The following PCCA variants were observed in gnomAD, a reference collection of about 807,000 sequenced individuals.
The protein encoded by PCCA is propionyl-CoA carboxylase subunit alpha.
A neutral mutation model predicts 101.3 loss-of-function variants in PCCA; 74 were observed. The observed-to-expected ratio is 0.73, with a 90% CI of 0.61 to 0.89. PCCA has a LOEUF of 0.89. Ranked by LOEUF, PCCA falls within the 40% of genes least tolerant of loss-of-function variation. PCCA has a pLI of 0.00. For synonymous variants in PCCA, 294 were observed against 313.6 expected, an observed-to-expected ratio of 0.94 and a Z score of 0.66; for missense variants, 891 against 907.0, an observed-to-expected ratio of 0.98 and a Z score of 0.23.
intron 1 of PCCA, among the ~76,000 whole-genome samples, chr13:100,091,222 A>T (rs539265701): frequency 9.8e-5 from 15 of 152,322 alleles, no homozygotes; most frequent in Middle Eastern, 3.4e-3. Context: ...GGGAGGGATG[A>T]CACTGACATT....
At chr13:100,458,062 T>G (rs1400742979) in intron 21 of PCCA, among the ~76,000 whole-genome samples, 1 of 152,172 alleles carries the variant, frequency 6.6e-6, no homozygotes, top group East Asian at 1.9e-4. Flanking sequence ...CATGTCTGCT[T>G]ATAGATTTCA....
intron 21 of PCCA, among the ~76,000 whole-genome samples, chr13:100,509,941 T>C (rs183269992): frequency 6.6e-6 from 1 of 152,284 alleles, no homozygotes; most frequent in East Asian, 1.9e-4. Flanking sequence ...GCTTCAGGTA[T>C]AGTTTACAAG....
intron 19 of PCCA, among the ~76,000 whole-genome samples, chr13:100,380,032 AACACACAC>A (rs140284754): frequency 1.3e-5 from 2 of 149,570 alleles, no homozygotes; most frequent in Admixed American, 6.7e-5. Context: ...AAGTAATCTA[AACACACAC>A]ACACACACAC....
At chr13:100,157,369 C>T in intron 6 of PCCA, 29 bp downstream of exon 6, 2 of 1,522,308 alleles carry the variant, frequency 1.3e-6, no homozygotes, top group Non-Finnish European at 1.8e-6. Flanking sequence ...AGAAACTGTT[C>T]ATTTCTTTTT....
rs138623067 is a variant in PCCA, at chr13:100,256,249, C to T, written c.638-1346C>T. 3.0e-4 allele frequency among the ~76,000 whole-genome samples: 45 copies of T among 152,256 alleles called. No individual in the cohort carries two copies. The East Asian group carries it at 7.5e-3, about 26-fold the overall frequency. The stretch of plus-strand genomic sequence containing the variant: ...CTTAATCTCCTGACCTCGTAATTCG[C>T]CCACCTCAGCCTCCCAAAGTGCTGG... On this transcript the variant is annotated intron_variant, in intron 8 of 23. Transcript: ENST00000376285.
rs376094199 is a variant in PCCA, at chr13:100,363,661, C to G, written c.1644-4811C>G. ...CTGTGAAAGTTATGATGAAGCATTT[C>G]TTAATGATTCCTTGACCATTAGCAT... On this transcript the variant is annotated intron_variant, in intron 18 of 23. Transcript: ENST00000376285. Among the ~76,000 whole-genome samples, 154 of 152,286 alleles carry G rather than the reference C, an allele frequency of 1.0e-3. 4 individuals are homozygous for G. The South Asian group carries it at 0.029, about 28-fold the overall frequency.
At chr13:100,259,596 G>T (rs1484728288) in intron 9 of PCCA, among the ~76,000 whole-genome samples, 2 of 152,044 alleles carry the variant, frequency 1.3e-5, no homozygotes, top group African/African-American at 4.8e-5. Flanking sequence ...GCCTCCCAAA[G>T]TGCTGGGATT....
At chr13:100,482,385 T>C (rs2152970244) in intron 21 of PCCA, among the ~76,000 whole-genome samples, 1 of 152,172 alleles carries the variant, frequency 6.6e-6, no homozygotes, top group Non-Finnish European at 1.5e-5. Context: ...GGACAGTTGA[T>C]GAGGCAGGCT....
intron 19 of PCCA, among the ~76,000 whole-genome samples, chr13:100,381,847 G>A (rs1017807356): frequency 6.6e-6 from 1 of 152,198 alleles, no homozygotes; most frequent in Non-Finnish European, 1.5e-5. Flanking sequence ...TCCACACCTC[G>A]TAGGAGGGAG....
chr13:100,510,187 G>A (rs536152022), intron 21 of PCCA, among the ~76,000 whole-genome samples: 1 of 152,198 alleles, frequency 6.6e-6, no homozygotes, highest in Non-Finnish European at 1.5e-5. Flanking sequence ...TGGGCAGAAA[G>A]CAAAGGTTTC....
chr13:100,307,961 C>A (rs111615410), intron 15 of PCCA, among the ~76,000 whole-genome samples: 1 of 152,246 alleles, frequency 6.6e-6, no homozygotes, highest in East Asian at 1.9e-4. Context: ...CAGGTTCAAG[C>A]GATTCTCCTG....
chr13:100,202,749 T>C (rs1469062538), intron 6 of PCCA, among the ~76,000 whole-genome samples: 1 of 151,588 alleles, frequency 6.6e-6, no homozygotes, highest in East Asian at 1.9e-4. Context: ...TCATTTTTTA[T>C]ATTTAAATTA....
chr13:100,529,784 C>A (rs2088225617), intron 23 of PCCA, among the ~76,000 whole-genome samples: 1 of 152,200 alleles, frequency 6.6e-6, no homozygotes, highest in African/African-American at 2.4e-5. Context: ...AAGAGCCTGC[C>A]TAGACCTGAG....
intron 21 of PCCA, among the ~76,000 whole-genome samples, chr13:100,465,217 G>C (rs1259041854): frequency 6.6e-6 from 1 of 152,012 alleles, no homozygotes; most frequent in Non-Finnish European, 1.5e-5. Flanking sequence ...AATGCACCAG[G>C]ACTAGAATTT....
intron 22 of PCCA, 119 bp from the exon 23 acceptor site, chr13:100,527,556 T>C (rs1392425324): frequency 6.8e-6 from 5 of 740,568 alleles, no homozygotes; most frequent in Admixed American, 1.9e-5. Context: ...AGATTGTTGC[T>C]GCTGTTCATA....
chr13:100,145,637 G>T (rs1250903557), intron 4 of PCCA, among the ~76,000 whole-genome samples: 2 of 152,042 alleles, frequency 1.3e-5, no homozygotes, highest in Non-Finnish European at 2.9e-5. Flanking sequence ...GCCAAGGCAG[G>T]CAGATCATGA....
intron 10 of PCCA, among the ~76,000 whole-genome samples, chr13:100,267,363 C>G (rs954850385): frequency 1.3e-5 from 2 of 152,106 alleles, no homozygotes; most frequent in African/African-American, 2.4e-5. Context: ...TGCTTGGAAT[C>G]ATTCTTGAGT....
In PCCA at chr13:100,275,708, A is replaced by G. The variant is rs552546014; in HGVS notation, c.1065+2362A>G. 1.3e-4 allele frequency among the ~76,000 whole-genome samples: 20 copies of G among 150,378 alleles called. No individual in the cohort carries two copies. In the South Asian group the frequency reaches 4.0e-3, roughly 30 times the overall value. On this transcript the variant is annotated intron_variant, in intron 12 of 23. Transcript: ENST00000376285. ...TTTTTTTCTTTCTTTTGCAGTATTT[A>G]TCATTTAATTTTTTCCTGTACAAGT...
intron 4 of PCCA, among the ~76,000 whole-genome samples, chr13:100,121,153 GTTT>G (rs747251831): frequency 1.7e-4 from 17 of 99,464 alleles, no homozygotes; most frequent in African/African-American, 3.2e-4. Flanking sequence ...GATTTCTTAG[GTTT>G]TTTTTTTTTT....
Sources: allele counts gnomAD v4.1 joint callset (sites outside exome capture counted in the v4.1 genomes callset), GRCh38; gene constraint gnomAD v4.1.1; transcripts MANE v1.5; gene names NCBI Gene and HGNC (gene_info 2026-07-23, HGNC 2026-07-21).